Variants in KLF9 observed in about 807,000 individuals in gnomAD.
The protein encoded by KLF9 is KLF transcription factor 9, also known as Krueppel-like factor 9.
In KLF9, 2 loss-of-function variants were observed where a neutral mutation model predicts 17.3. The observed-to-expected ratio is 0.12, with a 90% confidence interval of 0.05 to 0.36. The LOEUF (loss-of-function observed/expected upper bound fraction) is 0.36. KLF9 is among the 10% of genes least tolerant of loss of function. KLF9 has a pLI of 1.00. For synonymous variants in KLF9, 138 were observed against 139.2 expected (o/e 0.99, Z 0.06); for missense variants, 226 against 333.2 (o/e 0.68, Z 2.51).
chr9:70,406,464 A>G (rs2037255685), intron 1 of KLF9, among the ~76,000 whole-genome samples: 1 of 152,204 alleles, frequency 6.6e-6, no homozygotes, highest in African/African-American at 2.4e-5. Context: ...ATGACCTCCC[A>G]AGGTCACTTC....
Position 70,387,534 on chromosome 9 carries a change from A to G in KLF9, c.*242T>C, listed in dbSNP as rs1587737474. Reference sequence around the variant, plus strand: ...AGCATTTGCCTTCCCTCCAACAGTCAGAGACGGGTTCAGAGAGTTGCCTCT... The same window carrying G: ...AGCATTTGCCTTCCCTCCAACAGTCGGAGACGGGTTCAGAGAGTTGCCTCT... On this transcript the variant is annotated 3_prime_UTR_variant, in exon 2 of 2. Transcript: ENST00000377126. 13 of 465,648 alleles carry G rather than the reference A, an allele frequency of 2.8e-5. No homozygotes were observed. Among genetic ancestry groups the G allele is most frequent in the East Asian group, 2.1e-4 (6 of 28,792 alleles). 28.8% of individuals were successfully genotyped at this position (465,648 alleles called of 1,614,324 possible).
At chr9:70,410,900 C>A (rs1373342398) in intron 1 of KLF9, among the ~76,000 whole-genome samples, 2 of 152,124 alleles carry the variant, frequency 1.3e-5, no homozygotes, top group Non-Finnish European at 2.9e-5. Flanking sequence ...TTCAACCATG[C>A]ACTAAGATTA....
At chr9:70,408,052 C>T (rs775590301) in intron 1 of KLF9, among the ~76,000 whole-genome samples, 6 of 152,150 alleles carry the variant, frequency 3.9e-5, no homozygotes, top group Non-Finnish European at 8.8e-5. Context: ...AGTCCATAAA[C>T]AGCTCAAGTG....
chr9:70,397,926 T>C (rs557638666), intron 1 of KLF9, among the ~76,000 whole-genome samples: 59 of 152,282 alleles, frequency 3.9e-4, no homozygotes, highest in Non-Finnish European at 6.9e-4. Flanking sequence ...GAACCACCAA[T>C]ACACATTACG....
chr9:70,388,701 G>C lies in KLF9; in HGVS notation c.506-696C>G, dbSNP rs118043267. ...TTGGGTCCAACCAGCCTCCTACCTGGAACGAGCATTTCTCCCTGAGCTCCT... is the reference window on the plus strand; with the variant it reads ...TTGGGTCCAACCAGCCTCCTACCTGCAACGAGCATTTCTCCCTGAGCTCCT... On this transcript the variant is annotated intron_variant, in intron 1 of 1. Coordinates refer to ENST00000377126, the MANE Select transcript of KLF9 (RefSeq NM_001206.4). Among the ~76,000 whole-genome samples the C allele has an allele frequency of 3.0e-4, 45 of 152,270 alleles. 1 individual carries two copies. In the East Asian group the frequency reaches 7.5e-3, roughly 25 times the overall value.
intron 1 of KLF9, among the ~76,000 whole-genome samples, chr9:70,407,125 A>C (rs557640534): frequency 1.3e-5 from 2 of 152,292 alleles, no homozygotes; most frequent in East Asian, 3.9e-4. Flanking sequence ...TGAACTTACT[A>C]AGGAAAACCA....
At chr9:70,390,564 C>T (rs1348317271) in intron 1 of KLF9, among the ~76,000 whole-genome samples, 1 of 152,046 alleles carries the variant, frequency 6.6e-6, no homozygotes, top group Non-Finnish European at 1.5e-5. Flanking sequence ...CTTCTTGAGG[C>T]AAAAATAATG....
chr9:70,391,594 T>A (rs1483560830), intron 1 of KLF9, among the ~76,000 whole-genome samples: 1 of 152,190 alleles, frequency 6.6e-6, no homozygotes, highest in Non-Finnish European at 1.5e-5. Flanking sequence ...TTAAAAAAGA[T>A]CTGCTTGGAA....
chr9:70,387,797 CT>C lies in KLF9; in HGVS notation c.713del (p.Lys238ArgfsTer32). 3 of 1,614,014 alleles carry C rather than the reference CT, an allele frequency of 1.9e-6. No homozygotes were observed. Among genetic ancestry groups the C allele is most frequent in the Non-Finnish European group, 2.5e-6 (3 of 1,180,000 alleles). On this transcript the variant is annotated frameshift_variant, in exon 2 of 2. Coordinates refer to ENST00000377126, the MANE Select transcript of KLF9 (RefSeq NM_001206.4). LOFTEE classifies it high-confidence loss of function. ...FHPSMIKRSK[K>X]ALANAL ...CACCTCACAAAGCGTTGGCCAGCGC[CT>C]TTTTCGATCGCTTGATCATGCTGGG...
At position 70,385,316 on chromosome 9, in the gene KLF9, T is replaced by C. The variant is rs1160070013; in HGVS notation, c.*2460A>G. ...TTTTGTGACATTTTAAAACAGGATTTAATCACAAAGAATAAAAAGGCTTGA... is the reference window on the plus strand; with the variant it reads ...TTTTGTGACATTTTAAAACAGGATTCAATCACAAAGAATAAAAAGGCTTGA... On this transcript the variant is annotated 3_prime_UTR_variant, in exon 2 of 2. Coordinates refer to ENST00000377126, the MANE Select transcript of KLF9 (RefSeq NM_001206.4). 1 of 152,634 alleles carries C rather than the reference T, an allele frequency of 6.6e-6. No individual in the cohort carries two copies. The highest frequency in any genetic ancestry group is 2.4e-5 in the African/African-American group (1 of 41,454). The allele number at this position is 152,634 out of a possible 1,614,324, so 9.5% of individuals were successfully genotyped here.
intron 1 of KLF9, among the ~76,000 whole-genome samples, chr9:70,389,696 T>A (rs181577273): frequency 1.3e-5 from 2 of 152,276 alleles, no homozygotes; most frequent in East Asian, 3.9e-4. Flanking sequence ...TGTCTGTGTT[T>A]GGGGAGGACA....
At chr9:70,397,382 G>T (rs904159777) in intron 1 of KLF9, among the ~76,000 whole-genome samples, 1 of 152,076 alleles carries the variant, frequency 6.6e-6, no homozygotes, top group Non-Finnish European at 1.5e-5. Context: ...GGCTGAGGCA[G>T]GAGAATCGCT....
In KLF9 at chr9:70,385,123, A is replaced by G. The variant is rs896586388; in HGVS notation, c.*2653T>C. The G allele has an allele frequency of 2.0e-5, 3 of 152,670 alleles. No individual in the cohort carries two copies. The highest frequency in any genetic ancestry group is 4.4e-5 in the Non-Finnish European group (3 of 68,032). 9.5% of individuals were successfully genotyped at this position (152,670 alleles called of 1,614,324 possible). A position where few individuals can be genotyped will look rare whatever the true frequency, so the allele number is the denominator to read the frequency against. On this transcript the variant is annotated 3_prime_UTR_variant, in exon 2 of 2. Coordinates refer to ENST00000377126, the MANE Select transcript of KLF9 (RefSeq NM_001206.4). ...TCTTTCAAAAATTCAGTTTGGTTAA[A>G]AAAGTAAACAAAAATTACTATCCTG...
rs1469195223 is a variant in KLF9, at chr9:70,385,288, C to T, written c.*2488G>A. On this transcript the variant is annotated 3_prime_UTR_variant, in exon 2 of 2. Transcript: ENST00000377126. ...GTAAATCTAATTAGAATGCTGGTTC[C>T]TGTTTTGTGACATTTTAAAACAGGA... The T allele has an allele frequency of 1.3e-5, 2 of 152,520 alleles. No homozygotes were observed. The highest frequency in any genetic ancestry group is 6.5e-5 in the Admixed American group (1 of 15,272). The allele number at this position is 152,520 out of a possible 1,614,324, so 9.4% of individuals were successfully genotyped here. A position where few individuals can be genotyped will look rare whatever the true frequency, so the allele number is the denominator to read the frequency against.
At chr9:70,403,809 A>G (rs1339538339) in intron 1 of KLF9, among the ~76,000 whole-genome samples, 2 of 152,236 alleles carry the variant, frequency 1.3e-5, no homozygotes, top group Non-Finnish European at 2.9e-5. Flanking sequence ...GAAAATACAG[A>G]GTAGGTATGG....
At chr9:70,411,451 G>A (rs1446446447) in intron 1 of KLF9, among the ~76,000 whole-genome samples, 1 of 152,134 alleles carries the variant, frequency 6.6e-6, no homozygotes, top group Non-Finnish European at 1.5e-5. Flanking sequence ...CAACCTTACA[G>A]ATACAAGCCT....
intron 1 of KLF9, among the ~76,000 whole-genome samples, chr9:70,412,529 G>T (rs1294899062): frequency 1.3e-5 from 2 of 152,144 alleles, no homozygotes; most frequent in Admixed American, 6.5e-5. Flanking sequence ...TCTCCCAGGT[G>T]GGGTGGCCCC....
intron 1 of KLF9, among the ~76,000 whole-genome samples, chr9:70,397,304 G>A (rs2037187519): frequency 6.6e-6 from 1 of 151,960 alleles, no homozygotes; most frequent in Admixed American, 6.6e-5. Flanking sequence ...GTGAAACCCT[G>A]TCTCTACTAA....
chr9:70,391,219 G>C lies in KLF9; in HGVS notation c.506-3214C>G, dbSNP rs551364740. Among the ~76,000 whole-genome samples the C allele has an allele frequency of 1.2e-4, 19 of 152,282 alleles. No homozygotes were observed. In the South Asian group the frequency reaches 3.5e-3, roughly 28 times the overall value. On this transcript the variant is annotated intron_variant, in intron 1 of 1. Transcript: ENST00000377126. ...GGAGTAAGATACTCTCGCTGTGTTA[G>C]GAAGATGGCTTTCTAGAAGTGACCA...
Sources: gnomAD v4.1 joint callset for allele counts (sites outside exome capture counted in the v4.1 genomes callset) on GRCh38, gnomAD v4.1.1 for gene constraint, MANE v1.5 for transcripts, NCBI Gene and HGNC (gene_info 2026-07-23, HGNC 2026-07-21) for gene names.